The following TAT variants were observed in gnomAD, a reference collection of about 807,000 sequenced individuals.
The protein encoded by TAT is tyrosine aminotransferase, also known as L-tyrosine:2-oxoglutarate aminotransferase.
Under a neutral mutation model 53.6 loss-of-function variants are expected in TAT, and 35 were observed. That is an observed-to-expected ratio of 0.65 (90% confidence interval 0.50 to 0.87). The LOEUF is 0.87. TAT is among the 40% of genes least tolerant of loss of function. The probability of loss-of-function intolerance (pLI) is 0.00; values close to 1 mark genes in which losing one functional copy is unlikely to be tolerated. For missense variants in TAT, 525 were observed against 571.8 expected (o/e 0.92, Z 0.83); for synonymous variants, 197 against 206.5 (o/e 0.95, Z 0.39).
At chr16:71,572,369 T>A (rs1489053272) in intron 5 of TAT, 45 bp from the exon 6 acceptor site, 2 of 1,613,514 alleles carry the variant, frequency 1.2e-6, no homozygotes, top group African/African-American at 2.7e-5. Context: ...CTGAAACATT[T>A]AGGGGGAATC....
At chr16:71,574,048 G>GCCTCTGCC (rs1452315641) in intron 3 of TAT, among the ~76,000 whole-genome samples, 2 of 152,170 alleles carry the variant, frequency 1.3e-5, no homozygotes, top group Non-Finnish European at 2.9e-5. Context: ...GCTTCAGGCT[G>GCCTCTGCC]CCTCTGCCCC....
chr16:71,574,227 T>C (rs541885298), intron 3 of TAT, among the ~76,000 whole-genome samples: 1 of 152,374 alleles, frequency 6.6e-6, no homozygotes, highest in South Asian at 2.1e-4. Flanking sequence ...TTATATTTTA[T>C]TCTGTGTAAT....
intron 4 of TAT, among the ~76,000 whole-genome samples, chr16:71,573,219 A>ATAAT (rs2044215001): frequency 6.6e-6 from 1 of 152,214 alleles, no homozygotes; most frequent in Non-Finnish European, 1.5e-5. Flanking sequence ...ATTTTTTAAA[A>ATAAT]TAATTTTTTA....
In TAT at chr16:71,569,868, C is replaced by A. The variant is rs749426916; in HGVS notation, c.1111G>T (p.Ala371Ser). Residue 371 changes from alanine (A) to serine (S), a missense_variant, in exon 10 of 12, where the codon GCT becomes TCT. Physicochemically the swap from Ala to Ser is moderately conservative, Grantham distance 99. Transcript: ENST00000355962. ...PGLRPVRPSG[A>S]MYLMVGIEME... ...CACATACTCACCATGAGGTACATAG[C>A]CCCAGAAGGGCGGACTGGCCGGAGT... 3 of 1,613,672 alleles carry A rather than the reference C, an allele frequency of 1.9e-6. No individual in the cohort carries two copies. In the East Asian group the frequency reaches 6.7e-5, roughly 36 times the overall value.
chr16:71,568,809 C>A lies in TAT; in HGVS notation c.1126G>T (p.Val376Phe), dbSNP rs754716589. Reference protein sequence around the residue: ...VRPSGAMYLMVGIEMEHFPEF... With the variant: ...VRPSGAMYLMFGIEMEHFPEF... The stretch of plus-strand genomic sequence containing the variant: ...GGGAAATGTTCCATCTCAATTCCAA[C>A]CTATACCAACAGGAGGGAGAGGCCA... The change falls in exon 11 of 12, where the codon GTT (valine) becomes TTT (phenylalanine). Residue 376 changes from valine to phenylalanine, a missense_variant and splice_region_variant. Coordinates refer to ENST00000355962, the MANE Select transcript of TAT (RefSeq NM_000353.3). 1.2e-6 allele frequency: 2 copies of A among 1,613,132 alleles called. No individual in the cohort carries two copies. The highest frequency in any genetic ancestry group is 2.7e-5 in the African/African-American group (2 of 74,886).
Position 71,573,689 on chromosome 16 carries a change from GAC to G in TAT, c.341-85_341-84del, listed in dbSNP as rs2044218698. ...CTGTCACCCGGACTTGGAGTGCAGT[GAC>G]ACAGCCATAGCTCACTGCGGCCTCA... On this transcript the variant is annotated intron_variant, in intron 3 of 11. Transcript: ENST00000355962. 4 of 1,238,068 alleles carry G rather than the reference GAC, an allele frequency of 3.2e-6. No homozygotes were observed. The South Asian group carries it at 5.2e-5, about 16-fold the overall frequency. The allele number at this position is 1,238,068 out of a possible 1,614,324, so 76.7% of individuals were successfully genotyped here.
At position 71,572,278 on chromosome 16, in the gene TAT, A is replaced by C; in HGVS notation, c.614T>G (p.Ile205Ser). Reference sequence around the variant, plus strand: ...AATGAGACAAGCTGTCTTTTCATCAATTAGATATTCCAGTTGTTTCAGGTC... The same window carrying C: ...AATGAGACAAGCTGTCTTTTCATCACTTAGATATTCCAGTTGTTTCAGGTC... ...EIDLKQLEYL[I>S]DEKTACLIVN... Residue 205 changes from isoleucine (I) to serine (S), a missense_variant, in exon 6 of 12, where the codon ATT becomes AGT. Physicochemically the swap from Ile to Ser is moderately radical, Grantham distance 142 (BLOSUM62 -2). Transcript: ENST00000355962. 1.2e-6 allele frequency: 2 copies of C among 1,614,232 alleles called. No individual in the cohort carries two copies. The highest frequency in any genetic ancestry group is 1.7e-6 in the Non-Finnish European group (2 of 1,180,032).
Position 71,570,122 on chromosome 16 carries a change from G to A in TAT, c.1041+147C>T. 4.2e-6 allele frequency: 6 copies of A among 1,424,452 alleles called. No homozygotes were observed. The Middle Eastern group carries it at 6.7e-4, about 159-fold the overall frequency. The allele number at this position is 1,424,452 out of a possible 1,614,324, so 88.2% of individuals were successfully genotyped here. A position where few individuals can be genotyped will look rare whatever the true frequency, so the allele number is the denominator to read the frequency against. On this transcript the variant is annotated intron_variant, in intron 9 of 11. Transcript: ENST00000355962. ...AGGGGCAGAGAGAATGGCCGGAAGT[G>A]AGAAACGTGTGTGTGGATGCTTACA...
chr16:71,568,850 G>A (rs2044181984), intron 10 of TAT, 41 bp from the exon 11 acceptor site: 1 of 1,510,376 alleles, frequency 6.6e-7, no homozygotes, highest in East Asian at 2.3e-5. Context: ...TCAGAAGGAG[G>A]GAGAACAGGC....
chr16:71,569,724 A>C, intron 10 of TAT, 130 bp downstream of exon 10: 4 of 836,090 alleles, frequency 4.8e-6, no homozygotes, highest in Non-Finnish European at 8.0e-6. Context: ...GACAACTCCT[A>C]AACTGCTTGG....
In TAT at chr16:71,569,863, C is replaced by T; in HGVS notation, c.1116G>A (p.Met372Ile). The change falls in exon 10 of 12, where the codon ATG becomes ATA. Residue 372 changes from methionine (M) to isoleucine (I), a missense_variant. Physicochemically the swap from Met to Ile is conservative, Grantham distance 10 (BLOSUM62 1). Transcript: ENST00000355962. ...GLRPVRPSGA[M>I]YLMVGIEMEH... ...CCACCCACATACTCACCATGAGGTA[C>T]ATAGCCCCAGAAGGGCGGACTGGCC... The T allele has an allele frequency of 3.1e-6, 5 of 1,613,770 alleles. No homozygotes were observed. The highest frequency in any genetic ancestry group is 3.4e-6 in the Non-Finnish European group (4 of 1,179,880).
chr16:71,568,547 A>G (rs1163471855), intron 11 of TAT, 164 bp downstream of exon 11: 11 of 729,130 alleles, frequency 1.5e-5, no homozygotes, highest in Non-Finnish European at 2.1e-5. Context: ...GATGGGGGGG[A>G]GAAGCAAATT....
intron 11 of TAT, 28 bp downstream of exon 11, chr16:71,568,683 G>C (rs2044180324): frequency 6.3e-7 from 1 of 1,580,664 alleles, no homozygotes; most frequent in Admixed American, 1.7e-5. Context: ...AAACTGTTGA[G>C]AATGTCCTGA....
chr16:71,569,055 G>A (rs895968551), intron 10 of TAT, among the ~76,000 whole-genome samples: 2 of 152,140 alleles, frequency 1.3e-5, no homozygotes, highest in Admixed American at 1.3e-4. Context: ...TAGAATGCTA[G>A]TATGTCTCAA....
chr16:71,568,185 A>G lies in TAT; in HGVS notation c.1324T>C (p.Tyr442His). Residue 442 changes from tyrosine to histidine, a missense_variant, in exon 12 of 12, where the codon TAC becomes CAC. Transcript: ENST00000355962. Reference sequence around the variant, plus strand: ...TCCTGGCTGCCTTCAGCACAATGGTAGTGCTGCTCACAGAACTCCTGGATC... The same window carrying G: ...TCCTGGCTGCCTTCAGCACAATGGTGGTGCTGCTCACAGAACTCCTGGATC... The part of the protein sequence containing the change: ...SRIQEFCEQH[Y>H]HCAEGSQEEC... 1.2e-6 allele frequency: 2 copies of G among 1,614,206 alleles called. No homozygotes were observed. The highest frequency in any genetic ancestry group is 1.7e-6 in the Non-Finnish European group (2 of 1,180,012).
At chr16:71,572,348 C>G in intron 5 of TAT, 24 bp from the exon 6 acceptor site, 1 of 1,614,086 alleles carries the variant, frequency 6.2e-7, no homozygotes. Context: ...AAGGATGAGA[C>G]TAAGATGATT....
chr16:71,575,944 A>G lies in TAT; in HGVS notation c.318T>C (p.Tyr106=), dbSNP rs763949917. Residue 106 remains tyrosine, a synonymous_variant, in exon 3 of 12, where the codon TAT becomes TAC. Coordinates refer to ENST00000355962, the MANE Select transcript of TAT (RefSeq NM_000353.3). Reference sequence around the variant, plus strand: ...TACCGATGGATGGGGCATAGCCATTATATTTGCCCGAGTCCAGGGCATCTT... The same window carrying G: ...TACCGATGGATGGGGCATAGCCATTGTATTTGCCCGAGTCCAGGGCATCTT... The part of the protein sequence containing the change: ...AMKDALDSGK[Y]NGYAPSIGFL... 15 of 1,614,064 alleles carry G rather than the reference A, an allele frequency of 9.3e-6. No individual in the cohort carries two copies. The South Asian group carries it at 1.6e-4, about 18-fold the overall frequency.
At chr16:71,570,644 C>A in intron 8 of TAT, 35 bp downstream of exon 8, 8 of 1,613,834 alleles carry the variant, frequency 5.0e-6, no homozygotes, top group East Asian at 2.2e-5. Flanking sequence ...AAATATATAC[C>A]CTAAATTACA....
intron 3 of TAT, among the ~76,000 whole-genome samples, chr16:71,574,153 C>T (rs763051935): frequency 1.8e-4 from 28 of 152,298 alleles, no homozygotes; most frequent in Non-Finnish European, 3.8e-4. Flanking sequence ...AGTATAAGCA[C>T]GAATGTATAA....
Sources: allele counts gnomAD v4.1 joint callset (sites outside exome capture counted in the v4.1 genomes callset), GRCh38; gene constraint gnomAD v4.1.1; transcripts MANE v1.5; gene names NCBI Gene and HGNC (gene_info 2026-07-23, HGNC 2026-07-21).